SGPP2: variants seen among roughly 807,000 people sequenced by gnomAD.
The protein encoded by SGPP2 is sphingosine-1-phosphate phosphatase 2, also known as sphingosine 1-phosphate phosphohydrolase 2.
SGPP2 carries 30 observed loss-of-function variants against 33.9 expected under a neutral mutation model. The observed-to-expected ratio is 0.89, with a 90% CI of 0.66 to 1.20. The LOEUF is 1.20. SGPP2 is among the 50% of genes most tolerant of loss of function. The pLI, the probability that SGPP2 is intolerant of heterozygous loss-of-function variation, is 0.00. For synonymous variants in SGPP2, 233 were observed against 225.0 expected, an observed-to-expected ratio of 1.04 and a Z score of -0.32; for missense variants, 458 against 532.1, an observed-to-expected ratio of 0.86 and a Z score of 1.37.
At chr2:222,543,789 C>T (rs917191704) in intron 4 of SGPP2, among the ~76,000 whole-genome samples, 2 of 151,584 alleles carry the variant, frequency 1.3e-5, no homozygotes, top group South Asian at 2.1e-4. Context: ...TAGTGACAGC[C>T]CCTAACTTTG....
chr2:222,554,262 T>C (rs1689349845), intron 4 of SGPP2, among the ~76,000 whole-genome samples: 1 of 152,222 alleles, frequency 6.6e-6, no homozygotes, highest in Admixed American at 6.5e-5. Flanking sequence ...AATGGTAATA[T>C]ACTGTATGCA....
In SGPP2 at chr2:222,467,950, G is replaced by GAAAAAA. The variant is rs61253653; in HGVS notation, c.220-6585_220-6580dup. Reference sequence around the variant, plus strand: ...AAATGTATATTTAAAGCTCTAATCTGAAAAAAAAAAAAAAAAAAAAAAAAA... The same window carrying GAAAAAA: ...AAATGTATATTTAAAGCTCTAATCTGAAAAAAAAAAAAAAAAAAAAAAAAAAAAAAA... On this transcript the variant is annotated intron_variant, in intron 1 of 4. Transcript: ENST00000321276. Among the ~76,000 whole-genome samples, 11 of 24,870 alleles carry GAAAAAA rather than the reference G, an allele frequency of 4.4e-4. 1 individual carries two copies. The highest frequency in any genetic ancestry group is 2.4e-3 in the East Asian group (1 of 416). 16.3% of individuals were successfully genotyped at this position (24,870 alleles called of 152,430 possible). A position where few individuals can be genotyped will look rare whatever the true frequency, so the allele number is the denominator to read the frequency against.
intron 1 of SGPP2, among the ~76,000 whole-genome samples, chr2:222,473,946 A>G (rs1480794761): frequency 6.6e-6 from 1 of 152,054 alleles, no homozygotes; most frequent in Admixed American, 6.5e-5. Context: ...AAGAATATCA[A>G]AATAGCTAGA....
At chr2:222,459,674 G>C (rs1318311721) in intron 1 of SGPP2, among the ~76,000 whole-genome samples, 1 of 151,974 alleles carries the variant, frequency 6.6e-6, no homozygotes, top group African/African-American at 2.4e-5. Flanking sequence ...AGACAGAGAT[G>C]GGCAGTGGGC....
chr2:222,484,222 G>C, intron 2 of SGPP2, among the ~76,000 whole-genome samples: 1 of 151,986 alleles, frequency 6.6e-6, no homozygotes, highest in South Asian at 2.1e-4. Flanking sequence ...TTTTTATGAT[G>C]ATGACTGGAA....
chr2:222,433,144 A>G (rs1481104700), intron 1 of SGPP2, among the ~76,000 whole-genome samples: 2 of 152,120 alleles, frequency 1.3e-5, no homozygotes, highest in Admixed American at 1.3e-4. Context: ...GCAGAAAAAA[A>G]ATTTCTGAAT....
intron 4 of SGPP2, among the ~76,000 whole-genome samples, chr2:222,531,930 C>T (rs893091): frequency 0.023 from 3,451 of 152,240 alleles, 141 homozygotes; most frequent in African/African-American, 0.076. Flanking sequence ...AGCTTTGATG[C>T]TCAGGGCGTG....
chr2:222,440,336 T>TTTTGTC (rs1410257397), intron 1 of SGPP2, among the ~76,000 whole-genome samples: 1 of 61,308 alleles, frequency 1.6e-5, no homozygotes, highest in African/African-American at 5.8e-5. Flanking sequence ...TTTTGTGTGT[T>TTTTGTC]TTTGTTTTTG....
At chr2:222,528,554 G>T (rs1168065627) in intron 4 of SGPP2, among the ~76,000 whole-genome samples, 1 of 152,182 alleles carries the variant, frequency 6.6e-6, no homozygotes, top group Non-Finnish European at 1.5e-5. Flanking sequence ...GTCTGGCTCA[G>T]TGTTGATGGC....
rs536081405 is a variant in SGPP2 at position 222,561,229 on chromosome 2, G to A, written c.*2331G>A. Among the ~76,000 whole-genome samples the A allele has an allele frequency of 2.6e-5, 4 of 152,142 alleles. No homozygotes were observed. In the South Asian group the frequency reaches 6.2e-4, roughly 24 times the overall value. Reference sequence around the variant, plus strand: ...TTTGACTGCTTTTACATCAAACTCTGCCCAGTATTTGCAGCACAACTCAGG... The same window carrying A: ...TTTGACTGCTTTTACATCAAACTCTACCCAGTATTTGCAGCACAACTCAGG... On this transcript the variant is annotated 3_prime_UTR_variant, in exon 5 of 5. Transcript: ENST00000321276.
At chr2:222,540,198 G>A (rs1338641945) in intron 4 of SGPP2, among the ~76,000 whole-genome samples, 3 of 152,100 alleles carry the variant, frequency 2.0e-5, no homozygotes, top group Non-Finnish European at 2.9e-5. Flanking sequence ...GACATATCTT[G>A]TGGATGGAAC....
chr2:222,449,306 G>C (rs530163226), intron 1 of SGPP2, among the ~76,000 whole-genome samples: 7 of 152,244 alleles, frequency 4.6e-5, no homozygotes, highest in African/African-American at 1.7e-4. Context: ...GCAGGCTTTG[G>C]CATTTTGGGT....
intron 2 of SGPP2, among the ~76,000 whole-genome samples, chr2:222,507,627 G>T (rs967635132): frequency 6.6e-6 from 1 of 152,226 alleles, no homozygotes; most frequent in Non-Finnish European, 1.5e-5. Context: ...GTAAATTTTT[G>T]TTATTTGTTT....
chr2:222,425,987 G>A (rs1697063433), intron 1 of SGPP2, among the ~76,000 whole-genome samples: 1 of 151,790 alleles, frequency 6.6e-6, no homozygotes, highest in South Asian at 2.1e-4. Flanking sequence ...GTGACATTCC[G>A]GTAACCTATA....
intron 1 of SGPP2, among the ~76,000 whole-genome samples, chr2:222,427,422 T>TTTGTTG (rs1030376797): frequency 2.0e-5 from 3 of 151,590 alleles, no homozygotes; most frequent in South Asian, 2.1e-4. Context: ...CATCATCTGG[T>TTTGTTG]TTGTTGTTGT....
intron 4 of SGPP2, among the ~76,000 whole-genome samples, chr2:222,544,645 G>T (rs1255913421): frequency 6.6e-6 from 1 of 152,122 alleles, no homozygotes. Context: ...GTCTGTACAT[G>T]TTCAGTGCAG....
At chr2:222,441,693 A>G (rs1002354933) in intron 1 of SGPP2, among the ~76,000 whole-genome samples, 1 of 152,188 alleles carries the variant, frequency 6.6e-6, no homozygotes, top group African/African-American at 2.4e-5. Context: ...GAAGGTAGGA[A>G]TTTTATGTTT....
intron 2 of SGPP2, among the ~76,000 whole-genome samples, chr2:222,475,515 CA>C (rs1272407734): frequency 6.6e-6 from 1 of 152,136 alleles, no homozygotes; most frequent in Non-Finnish European, 1.5e-5. Flanking sequence ...AGCTGTTGAG[CA>C]ATACCTCCAA....
At chr2:222,454,257 A>G (rs376146580) in intron 1 of SGPP2, among the ~76,000 whole-genome samples, 15 of 152,322 alleles carry the variant, frequency 9.8e-5, no homozygotes, top group East Asian at 3.9e-4. Flanking sequence ...TCTCAAAAAG[A>G]TAACGGGAAA....
Sources: gnomAD v4.1 joint callset for allele counts (sites outside exome capture counted in the v4.1 genomes callset) on GRCh38, gnomAD v4.1.1 for gene constraint, MANE v1.5 for transcripts, NCBI Gene and HGNC (gene_info 2026-07-23, HGNC 2026-07-21) for gene names.